EIF3H: variants seen among roughly 807,000 people sequenced by gnomAD.
The protein encoded by EIF3H is eIF-3-gamma.
In EIF3H, 26 loss-of-function variants were observed where a neutral mutation model predicts 44.2. That is an observed-to-expected ratio of 0.59 (90% CI 0.43 to 0.82). EIF3H has a LOEUF of 0.82. Among genes scored for constraint, EIF3H ranks in the 40% least tolerant of loss-of-function variants. The pLI, the probability that EIF3H is intolerant of heterozygous loss-of-function variation, is 0.00. For missense variants in EIF3H, 359 were observed against 432.8 expected (o/e 0.83, Z 1.51); for synonymous variants, 166 against 151.9 (o/e 1.09, Z -0.68).
chr8:116,679,294 T>TG (rs1441188933), intron 2 of EIF3H, among the ~76,000 whole-genome samples: 16 of 33,774 alleles, frequency 4.7e-4, no homozygotes, highest in African/African-American at 9.9e-4. Context: ...GGGAGGGAGG[T>TG]GGGGGGGTCA....
chr8:116,648,459 T>C (rs994492671), intron 6 of EIF3H, among the ~76,000 whole-genome samples: 3 of 152,184 alleles, frequency 2.0e-5, no homozygotes, highest in Admixed American at 6.5e-5. Flanking sequence ...TTGCTAACTA[T>C]GCCACAATGA....
intron 2 of EIF3H, among the ~76,000 whole-genome samples, chr8:116,685,216 C>A (rs1231099571): frequency 6.6e-6 from 1 of 152,108 alleles, no homozygotes; most frequent in African/African-American, 2.4e-5. Context: ...CAGGAGGATA[C>A]CCTACAGAGA....
intron 1 of EIF3H, among the ~76,000 whole-genome samples, chr8:116,748,287 G>A (rs2130981336): frequency 6.6e-6 from 1 of 152,246 alleles, no homozygotes; most frequent in East Asian, 1.9e-4. Context: ...AAGCTGTTGT[G>A]AGGATCACAA....
intron 4 of EIF3H, 26 bp downstream of exon 4, chr8:116,657,189 T>G: frequency 6.4e-7 from 1 of 1,572,928 alleles, no homozygotes; most frequent in Non-Finnish European, 8.8e-7. Context: ...TACCCAACCC[T>G]TTACCAGATG....
chr8:116,713,722 C>T (rs1046768831), intron 2 of EIF3H, among the ~76,000 whole-genome samples: 13 of 152,084 alleles, frequency 8.5e-5, no homozygotes, highest in African/African-American at 3.1e-4. Flanking sequence ...CCAGGCTTTT[C>T]TGAGTTATCC....
intron 5 of EIF3H, among the ~76,000 whole-genome samples, chr8:116,652,268 G>A (rs1385318188): frequency 1.3e-5 from 2 of 152,202 alleles, no homozygotes; most frequent in Admixed American, 1.3e-4. Context: ...AGTCTTCTGT[G>A]ACTTTGGAGG....
At chr8:116,733,193 G>A (rs13258789) in intron 1 of EIF3H, among the ~76,000 whole-genome samples, 5 of 152,018 alleles carry the variant, frequency 3.3e-5, no homozygotes, top group Non-Finnish European at 5.9e-5. Context: ...AAAGCCAGAT[G>A]AAGAGATGCA....
chr8:116,658,096 TACTTTAAC>T (rs2130793330), intron 3 of EIF3H, among the ~76,000 whole-genome samples: 1 of 152,358 alleles, frequency 6.6e-6, no homozygotes, highest in African/African-American at 2.4e-5. Flanking sequence ...AATATAAGTA[TACTTTAAC>T]AACTTGTTCT....
intron 2 of EIF3H, among the ~76,000 whole-genome samples, chr8:116,687,446 T>C (rs773241519): frequency 1.3e-5 from 2 of 152,132 alleles, no homozygotes; most frequent in East Asian, 1.9e-4. Context: ...AAATCACAAA[T>C]TGATGGCACT....
At chr8:116,696,969 G>A in intron 2 of EIF3H, 1 of 362,376 alleles carries the variant, frequency 2.8e-6, no homozygotes, top group South Asian at 2.1e-5. Flanking sequence ...AAAAAGCTAG[G>A]ACACCAACCC....
upstream of EIF3H, among the ~76,000 whole-genome samples, chr8:116,756,788 A>C (rs1586499635): frequency 1.3e-5 from 2 of 152,378 alleles, no homozygotes; most frequent in South Asian, 4.1e-4. Context: ...TTTCAAGTGT[A>C]TATGAAATAT....
intron 1 of EIF3H, among the ~76,000 whole-genome samples, chr8:116,735,952 C>G (rs1363358200): frequency 6.6e-6 from 1 of 152,178 alleles, no homozygotes. Flanking sequence ...GGCATCATAT[C>G]AGCGCTGAAA....
chr8:116,705,499 C>A (rs912161203), intron 2 of EIF3H, among the ~76,000 whole-genome samples: 3 of 143,694 alleles, frequency 2.1e-5, no homozygotes, highest in East Asian at 2.0e-4. Context: ...ACACCCCCCC[C>A]CACCACCAAC....
chr8:116,666,108 A>C, intron 2 of EIF3H, among the ~76,000 whole-genome samples: 1 of 152,226 alleles, frequency 6.6e-6, no homozygotes, highest in East Asian at 1.9e-4. Flanking sequence ...CTACCTAGAC[A>C]CTAATCTGTT....
intron 3 of EIF3H, 35 bp downstream of exon 3, chr8:116,658,778 T>C (rs1813537693): frequency 6.3e-7 from 1 of 1,594,946 alleles, no homozygotes; most frequent in African/African-American, 1.4e-5. Flanking sequence ...AGTAATAATA[T>C]TAAGGGAAAA....
chr8:116,658,519 A>T (rs1324830224), intron 3 of EIF3H: 7 of 273,318 alleles, frequency 2.6e-5, no homozygotes, highest in African/African-American at 1.6e-4. Context: ...GGTTTGTTAG[A>T]CATCTGGTCT....
At chr8:116,755,547 A>T in intron 1 of EIF3H, 119 bp downstream of exon 1, 3 of 1,365,558 alleles carry the variant, frequency 2.2e-6, no homozygotes, top group Non-Finnish European at 3.0e-6. Context: ...CGTACTAGGG[A>T]AAAACTTTGG....
At chr8:116,747,992 T>G (rs528446502) in intron 1 of EIF3H, among the ~76,000 whole-genome samples, 1 of 152,024 alleles carries the variant, frequency 6.6e-6, no homozygotes, top group African/African-American at 2.4e-5. Flanking sequence ...ATGCCTGTAA[T>G]CCCAGCTACT....
Position 116,646,532 on chromosome 8 carries a change from G to A in EIF3H, c.900C>T (p.Asp300=), listed in dbSNP as rs1326905071. The A allele has an allele frequency of 1.9e-6, 3 of 1,614,176 alleles. No homozygotes were observed. The highest frequency in any genetic ancestry group is 2.2e-5 in the South Asian group (2 of 91,078). Residue 300 remains aspartate (D), a synonymous_variant, in exon 7 of 8, where the codon GAC becomes GAT. Transcript: ENST00000521861. ...SRGEPPLPEE[D]LSKLFKPPQP... is the part of the protein sequence containing the mutation. ...GTGGTGGTTTGAAGAGTTTGGACAG[G>A]TCCTCCTCAGGGAGCGGGGGTTCTC...
Sources: allele counts gnomAD v4.1 joint callset (sites outside exome capture counted in the v4.1 genomes callset), GRCh38; gene constraint gnomAD v4.1.1; transcripts MANE v1.5; gene names NCBI Gene and HGNC (gene_info 2026-07-23, HGNC 2026-07-21).